The following PASD1 variants were observed in gnomAD, a reference collection of about 807,000 sequenced individuals.
The protein encoded by PASD1 is PAS domain containing repressor 1.
A neutral mutation model predicts 58.8 loss-of-function variants in PASD1; 13 were observed. The observed-to-expected ratio is 0.22, with a 90% CI of 0.14 to 0.35. PASD1 has a LOEUF of 0.35. PASD1 is among the 10% of genes least tolerant of loss of function. The pLI, the probability that PASD1 is intolerant of heterozygous loss-of-function variation, is 1.00. For synonymous variants in PASD1, 236 were observed against 216.7 expected, an observed-to-expected ratio of 1.09 and a Z score of -0.78; for missense variants, 734 against 568.3, an observed-to-expected ratio of 1.29 and a Z score of -2.96.
chrX:151,617,285 G>C (rs1034228107), intron 4 of PASD1, among the ~76,000 whole-genome samples: 3 of 110,955 alleles, frequency 2.7e-5, no homozygotes, highest in African/African-American at 9.8e-5. Context: ...AAGGAACAAG[G>C]CCACTGGAAC....
rs771809328 is a variant in PASD1 at position 151,601,592 on chromosome X, A to G, written c.28+11A>G. The G allele has an allele frequency of 1.7e-6, 2 of 1,206,625 alleles. No homozygotes were observed. Among genetic ancestry groups the G allele is most frequent in the African/African-American group, 3.5e-5 (2 of 57,292 alleles). On this transcript the variant is annotated intron_variant, in intron 2 of 15. Coordinates refer to ENST00000370357, the MANE Select transcript of PASD1 (RefSeq NM_173493.3). ...GGGAAAAGAGAAGAGGTATGCATTCATAACTGACTGACATTTCTGTCAAAG... is the reference window on the plus strand; with the variant it reads ...GGGAAAAGAGAAGAGGTATGCATTCGTAACTGACTGACATTTCTGTCAAAG...
At position 151,572,757 on chromosome X, in the gene PASD1, T is replaced by C. The variant is rs113933006; in HGVS notation, c.-28+8918T>C. 4.9e-3 allele frequency among the ~76,000 whole-genome samples: 532 copies of C among 109,473 alleles called. 1 individual carries two copies. Among genetic ancestry groups the C allele is most frequent in the African/African-American group, 0.017 (502 of 30,077 alleles). On this transcript the variant is annotated intron_variant, in intron 1 of 15. Transcript: ENST00000370357. ...ATGAAGATGTCTTTTAAATGGTTCA[T>C]TTGAAATATACCTTTATACGAACAG...
intron 11 of PASD1, among the ~76,000 whole-genome samples, chrX:151,667,143 G>C (rs2014394577): frequency 8.9e-6 from 1 of 112,119 alleles, no homozygotes; most frequent in Admixed American, 9.4e-5. Context: ...CAGTGATGCT[G>C]AGCATTTTTT....
At chrX:151,641,455 G>A (rs981343064) in intron 8 of PASD1, among the ~76,000 whole-genome samples, 2 of 111,516 alleles carry the variant, frequency 1.8e-5, no homozygotes, top group Admixed American at 9.6e-5. Context: ...TTTCTAATAC[G>A]TGAAATTATC....
chrX:151,672,704 T>C (rs1217216662), intron 14 of PASD1, 43 bp downstream of exon 14: 5 of 1,188,852 alleles, frequency 4.2e-6, no homozygotes, highest in Non-Finnish European at 5.7e-6. Context: ...TGATTATTGC[T>C]TTTCCCTCAT....
intron 8 of PASD1, among the ~76,000 whole-genome samples, chrX:151,632,687 T>C: frequency 8.9e-6 from 1 of 112,256 alleles, no homozygotes; most frequent in Middle Eastern, 4.6e-3. Flanking sequence ...TGGCAAATAC[T>C]GTGGAGGTCT....
At chrX:151,612,482 T>A (rs2013578290) in intron 4 of PASD1, among the ~76,000 whole-genome samples, 1 of 109,858 alleles carries the variant, frequency 9.1e-6, no homozygotes, top group Non-Finnish European at 1.9e-5. Flanking sequence ...GCACCTGTCG[T>A]TTCCTGACTT....
intron 2 of PASD1, among the ~76,000 whole-genome samples, chrX:151,602,780 C>T (rs933483797): frequency 5.4e-5 from 6 of 111,357 alleles, no homozygotes; most frequent in African/African-American, 2.0e-4. Flanking sequence ...AACTTCTTAC[C>T]ATATACCCTA....
chrX:151,673,735 C>G (rs1423073476), intron 14 of PASD1, 193 bp from the exon 15 acceptor site: 4 of 467,281 alleles, frequency 8.6e-6, no homozygotes, highest in Non-Finnish European at 1.5e-5. Flanking sequence ...TGTAATTTCT[C>G]TCAGTGTCTA....
chrX:151,619,410 G>A (rs1209279296), intron 4 of PASD1, among the ~76,000 whole-genome samples: 3 of 111,528 alleles, frequency 2.7e-5, no homozygotes, highest in South Asian at 7.6e-4. Flanking sequence ...GTCATTAACA[G>A]ATAGGTGGTA....
intron 4 of PASD1, 41 bp from the exon 5 acceptor site, chrX:151,620,889 C>T (rs2013697889): frequency 9.7e-7 from 1 of 1,026,493 alleles, no homozygotes. Flanking sequence ...TCCCTCTTCC[C>T]CTCCTTTTTC....
At position 151,665,182 on chromosome X, in the gene PASD1, T is replaced by A. The variant is rs922097509; in HGVS notation, c.1071+834T>A. Among the ~76,000 whole-genome samples the A allele has an allele frequency of 2.7e-5, 3 of 111,838 alleles. No homozygotes were observed. In the East Asian group the frequency reaches 8.4e-4, roughly 31 times the overall value. ...AAATTACTGAGCCTCAGTTTCTCCA[T>A]GTTGAAATGGTCTTGCCTTGCGGGG... is the stretch of plus-strand genomic sequence containing the variant. On this transcript the variant is annotated intron_variant, in intron 11 of 15. Transcript: ENST00000370357.
In PASD1 at chrX:151,674,084, G is replaced by A. The variant is rs1240318162; in HGVS notation, c.2073G>A (p.Arg691=). 34 of 1,211,679 alleles carry A rather than the reference G, an allele frequency of 2.8e-5. No homozygotes were observed. Among genetic ancestry groups the A allele is most frequent in the Non-Finnish European group, 3.5e-5 (31 of 895,356 alleles). ...STLETPQDYI[R]LWQELSDSLG... Reference sequence around the variant, plus strand: ...TGGAGACCCCACAGGATTACATCCGGCTTTGGCAAGAGTTGTCTGATTCAC... The same window carrying A: ...TGGAGACCCCACAGGATTACATCCGACTTTGGCAAGAGTTGTCTGATTCAC... The change falls in exon 15 of 16, where the codon CGG becomes CGA. Residue 691 remains arginine, a synonymous_variant. Transcript: ENST00000370357.
chrX:151,658,450 A>G (rs770288454), intron 9 of PASD1, among the ~76,000 whole-genome samples: 4 of 112,571 alleles, frequency 3.6e-5, no homozygotes, highest in Non-Finnish European at 5.6e-5. Flanking sequence ...GGACATCTTA[A>G]TTAACATTTG....
chrX:151,672,257 A>G lies in PASD1; in HGVS notation c.1512A>G (p.Arg504=). The part of the protein sequence containing the change: ...RQLREQLQQL[R]EQRKVQKQKK... ...TGCGGGAGCAGCTGCAACAGCTGAGAGAGCAAAGGAAGGTGCAGAAGCAGA... is the reference window on the plus strand; with the variant it reads ...TGCGGGAGCAGCTGCAACAGCTGAGGGAGCAAAGGAAGGTGCAGAAGCAGA... The change falls in exon 14 of 16, where the codon AGA becomes AGG. Residue 504 remains arginine (R), a synonymous_variant. Coordinates refer to ENST00000370357, the MANE Select transcript of PASD1 (RefSeq NM_173493.3). 5 of 1,166,870 alleles carry G rather than the reference A, an allele frequency of 4.3e-6. No individual in the cohort carries two copies. The highest frequency in any genetic ancestry group is 5.2e-4 in the Middle Eastern group (2 of 3,810).
chrX:151,668,712 A>T (rs181869076), intron 11 of PASD1, among the ~76,000 whole-genome samples: 1 of 110,321 alleles, frequency 9.1e-6, no homozygotes, highest in Non-Finnish European at 1.9e-5. Context: ...TGAGGCAATA[A>T]TTAATAGCTT....
intron 8 of PASD1, among the ~76,000 whole-genome samples, chrX:151,641,841 C>T (rs759981972): frequency 1.2e-3 from 130 of 110,108 alleles, no homozygotes; most frequent in Middle Eastern, 4.8e-3. Context: ...CACACACACA[C>T]GCGCGCGCGC....
chrX:151,637,332 T>G (rs2013942594), intron 8 of PASD1, among the ~76,000 whole-genome samples: 1 of 112,155 alleles, frequency 8.9e-6, no homozygotes, highest in Non-Finnish European at 1.9e-5. Context: ...GTTGTGCCAT[T>G]TTGCATTCCT....
intron 1 of PASD1, among the ~76,000 whole-genome samples, chrX:151,570,767 T>G (rs1195133711): frequency 8.9e-6 from 1 of 112,306 alleles, no homozygotes; most frequent in Non-Finnish European, 1.9e-5. Flanking sequence ...TTGTCCTGCT[T>G]CTTATGTGGT....
Sources: allele counts gnomAD v4.1 joint callset (sites outside exome capture counted in the v4.1 genomes callset), GRCh38; gene constraint gnomAD v4.1.1; transcripts MANE v1.5; gene names NCBI Gene and HGNC (gene_info 2026-07-23, HGNC 2026-07-21).